The following MEIKIN variants were observed in gnomAD, a reference collection of about 807,000 sequenced individuals.
MEIKIN encodes the protein meiosis-specific kinetochore protein.
chr5:131,833,920 C>T (rs139440344), intron 11 of MEIKIN, among the ~76,000 whole-genome samples: 29 of 152,286 alleles, frequency 1.9e-4, no homozygotes, highest in Admixed American at 3.3e-4. Context: ...TGTTTCTACA[C>T]AGATATTCTC....
chr5:131,842,500 T>C (rs1421089510), intron 11 of MEIKIN, among the ~76,000 whole-genome samples: 6 of 152,240 alleles, frequency 3.9e-5, no homozygotes, highest in Admixed American at 2.6e-4. Context: ...TGAGAGTTTT[T>C]ATCATTAAAA....
At chr5:131,909,740 C>T (rs973824529) in intron 8 of MEIKIN, among the ~76,000 whole-genome samples, 1 of 151,984 alleles carries the variant, frequency 6.6e-6, no homozygotes, top group Non-Finnish European at 1.5e-5. Context: ...ATCTGATAAT[C>T]CAATTAAAAA....
chr5:131,905,632 C>G (rs559769814), intron 8 of MEIKIN, among the ~76,000 whole-genome samples: 20 of 152,186 alleles, frequency 1.3e-4, no homozygotes, highest in African/African-American at 3.9e-4. Context: ...ACAAAAAACT[C>G]TCAGAGACTA....
At chr5:131,855,734 G>C (rs1434617728) in intron 9 of MEIKIN, among the ~76,000 whole-genome samples, 2 of 152,072 alleles carry the variant, frequency 1.3e-5, no homozygotes, top group South Asian at 2.1e-4. Context: ...TTGAGAGAGA[G>C]AGACAGAGAA....
intron 3 of MEIKIN, among the ~76,000 whole-genome samples, chr5:131,943,073 G>A (rs1161468519): frequency 1.3e-5 from 2 of 151,572 alleles, no homozygotes; most frequent in Admixed American, 1.3e-4. Flanking sequence ...TAAAATACTA[G>A]AAATAAAATT....
chr5:131,885,368 AGAGAGAGAGAGAGAGAGAGAGAGAGAG>A lies in MEIKIN; in HGVS notation c.704-6347_704-6321del, dbSNP rs1750771084. ...GAGAGAGAGAGAGAGAGAGAGAGAG[AGAGAGAGAGAGAGAGAGAGAGAGAGAG>A]AGAGAGAGAGAGAGAGAGAGAGAGA... On this transcript the variant is annotated intron_variant, in intron 8 of 12. Coordinates refer to ENST00000442687, the MANE Select transcript of MEIKIN (RefSeq NM_001303622.2). Among the ~76,000 whole-genome samples, 12 of 39,456 alleles carry A rather than the reference AGAGAGAGAGAGAGAGAGAGAGAGAGAG, an allele frequency of 3.0e-4. No individual in the cohort carries two copies. In the South Asian group the frequency reaches 3.3e-3, roughly 11 times the overall value. The allele number at this position is 39,456 out of a possible 152,430, so 25.9% of individuals were successfully genotyped here.
At chr5:131,879,441 T>C (rs1401852450) in intron 8 of MEIKIN, among the ~76,000 whole-genome samples, 1 of 152,226 alleles carries the variant, frequency 6.6e-6, no homozygotes, top group African/African-American at 2.4e-5. Context: ...GTACAAGTGG[T>C]TTTTGGTTAT....
intron 8 of MEIKIN, among the ~76,000 whole-genome samples, chr5:131,885,099 G>T (rs1312750320): frequency 6.6e-6 from 1 of 152,162 alleles, no homozygotes; most frequent in African/African-American, 2.4e-5. Flanking sequence ...AGGGTCTGGG[G>T]GAACTTGCCA....
intron 12 of MEIKIN, among the ~76,000 whole-genome samples, chr5:131,813,517 C>A (rs1773041090): frequency 6.6e-6 from 1 of 151,886 alleles, no homozygotes; most frequent in South Asian, 2.1e-4. Flanking sequence ...AGCTCCGCCT[C>A]CCGGGTTCAC....
chr5:131,918,318 CT>C (rs1419868015), intron 6 of MEIKIN, among the ~76,000 whole-genome samples: 2 of 152,192 alleles, frequency 1.3e-5, no homozygotes, highest in Non-Finnish European at 2.9e-5. Context: ...AACAAATTCC[CT>C]TTTTAACCTA....
intron 11 of MEIKIN, among the ~76,000 whole-genome samples, chr5:131,834,516 A>G (rs1303620245): frequency 1.3e-5 from 2 of 152,090 alleles, no homozygotes; most frequent in Admixed American, 1.3e-4. Context: ...CCTGTCAACC[A>G]CCATTCTACT....
At chr5:131,875,570 C>G (rs933606692) in intron 9 of MEIKIN, among the ~76,000 whole-genome samples, 2 of 151,998 alleles carry the variant, frequency 1.3e-5, no homozygotes, top group African/African-American at 2.4e-5. Flanking sequence ...CCATACTGCC[C>G]CAGGTAATTT....
At chr5:131,894,649 C>T (rs1751001932) in intron 8 of MEIKIN, among the ~76,000 whole-genome samples, 1 of 152,206 alleles carries the variant, frequency 6.6e-6, no homozygotes, top group South Asian at 2.1e-4. Flanking sequence ...GTATTTTATT[C>T]TCTTTGTAGC....
intron 9 of MEIKIN, among the ~76,000 whole-genome samples, chr5:131,877,344 C>A (rs1390826633): frequency 6.6e-6 from 1 of 151,836 alleles, no homozygotes; most frequent in African/African-American, 2.4e-5. Context: ...CAAATTTTTC[C>A]CTAAAGGCCT....
intron 8 of MEIKIN, among the ~76,000 whole-genome samples, chr5:131,892,291 A>G (rs929526657): frequency 3.3e-5 from 5 of 152,232 alleles, no homozygotes; most frequent in East Asian, 3.9e-4. Context: ...AGTTCTCCTG[A>G]ATAGTATCCT....
chr5:131,821,974 T>C (rs1383160870), intron 11 of MEIKIN, among the ~76,000 whole-genome samples: 2 of 152,172 alleles, frequency 1.3e-5, no homozygotes, highest in Non-Finnish European at 2.9e-5. Flanking sequence ...GGTGCTCCAG[T>C]GTTAGGTGCA....
intron 4 of MEIKIN, among the ~76,000 whole-genome samples, chr5:131,939,488 C>A (rs1751834488): frequency 6.6e-6 from 1 of 151,876 alleles, no homozygotes; most frequent in Non-Finnish European, 1.5e-5. Flanking sequence ...GAACCTACAG[C>A]TTTACAACAT....
intron 12 of MEIKIN, among the ~76,000 whole-genome samples, chr5:131,808,597 C>G (rs1485768718): frequency 5.9e-5 from 9 of 152,158 alleles, no homozygotes; most frequent in Admixed American, 5.9e-4. Flanking sequence ...ACTTGGGAAT[C>G]TGCATTATTT....
intron 9 of MEIKIN, among the ~76,000 whole-genome samples, chr5:131,873,647 A>T (rs1750550808): frequency 6.6e-6 from 1 of 152,218 alleles, no homozygotes; most frequent in African/African-American, 2.4e-5. Context: ...CACCAAGCGG[A>T]CCTAATAGAC....
Sources: gnomAD v4.1 joint callset for allele counts (sites outside exome capture counted in the v4.1 genomes callset) on GRCh38, gnomAD v4.1.1 for gene constraint, MANE v1.5 for transcripts, NCBI Gene and HGNC (gene_info 2026-07-23, HGNC 2026-07-21) for gene names.